Variants in MAP2K3 observed in about 807,000 individuals in gnomAD.
MAP2K3 encodes the protein mitogen-activated protein kinase kinase 3.
In MAP2K3, 30 loss-of-function variants were observed where a neutral mutation model predicts 46.4. That is an observed-to-expected ratio of 0.65 (90% CI 0.48 to 0.88). The LOEUF is 0.88. MAP2K3 is among the 40% of genes least tolerant of loss of function. The pLI, the probability that MAP2K3 is intolerant of heterozygous loss-of-function variation, is 0.00. For synonymous variants in MAP2K3, 189 were observed against 176.3 expected (o/e 1.07, Z -0.57); for missense variants, 380 against 464.5 (o/e 0.82, Z 1.67).
intron 2 of MAP2K3, 151 bp downstream of exon 2, chr17:21,298,630 G>C: frequency 1.5e-6 from 2 of 1,330,314 alleles, no homozygotes; most frequent in Admixed American, 1.7e-5. Context: ...GGTGACGGCT[G>C]CTGGGGGTTC....
chr17:21,286,286 T>G (rs1466314), intron 1 of MAP2K3, among the ~76,000 whole-genome samples: 110,448 of 152,196 alleles, frequency 0.73, 40,745 homozygotes, highest in African/African-American at 0.85. Context: ...AAGTGCAGCC[T>G]CAGAGTGAGC....
At chr17:21,292,010 A>T (rs1428791547) in intron 1 of MAP2K3, among the ~76,000 whole-genome samples, 1 of 152,310 alleles carries the variant, frequency 6.6e-6, no homozygotes, top group East Asian at 1.9e-4. Context: ...TGGTTTCTCC[A>T]CTGAGGTGCG....
chr17:21,295,363 G>A (rs1209252679), intron 1 of MAP2K3, among the ~76,000 whole-genome samples: 1 of 152,310 alleles, frequency 6.6e-6, no homozygotes, highest in Non-Finnish European at 1.5e-5. Flanking sequence ...CCTGCCTGGG[G>A]GCTGCTATGA....
rs35755743 is a variant in MAP2K3, at chr17:21,314,184, C to A, written c.998C>A (p.Thr333Lys). 1.2e-6 allele frequency: 2 copies of A among 1,613,952 alleles called. No individual in the cohort carries two copies. The highest frequency in any genetic ancestry group is 2.7e-5 in the African/African-American group (2 of 74,910). The change falls in exon 12 of 12, where the codon ACG becomes AAG. Residue 333 changes from threonine (T) to lysine (K), a missense_variant. By Grantham distance (78) the Thr-to-Lys change is moderately conservative (BLOSUM62 -1). This residue lies in a region of MAP2K3 where 63 missense variants were observed against 81.6 expected (regional missense o/e 0.77). Transcript: ENST00000342679. The part of the protein sequence containing the change: ...PFFTLHKTKK[T>K]DIAAFVKEIL... ...TTCACCTTGCACAAAACCAAGAAGA[C>A]GGACATTGCTGCCTTCGTGAAGGAG...
intron 1 of MAP2K3, chr17:21,291,821 A>G (rs1328026484): frequency 2.8e-6 from 1 of 354,632 alleles, no homozygotes; most frequent in East Asian, 7.4e-5. Context: ...GACCTGCTCA[A>G]GGTCACGAAG....
In MAP2K3 at chr17:21,302,256, GT is replaced by G; in HGVS notation, c.514del (p.Ser172LeufsTer15). ...AGGACATCCTTGGGGAGATTGCTGT[GT>G]CTGTGAGTGGCCTGGGTGGGCTGGC... ...PEDILGEIAV[S>X]IVRALEHLHS... On this transcript the variant is annotated frameshift_variant and splice_region_variant, in exon 6 of 12. Coordinates refer to ENST00000342679, the MANE Select transcript of MAP2K3 (RefSeq NM_145109.3). LOFTEE classifies it high-confidence loss of function. The G allele has an allele frequency of 6.2e-7, 1 of 1,607,038 alleles. No homozygotes were observed. The highest frequency in any genetic ancestry group is 8.5e-7 in the Non-Finnish European group (1 of 1,175,008).
At chr17:21,285,204 C>T in intron 1 of MAP2K3, 1 of 981,868 alleles carries the variant, frequency 1.0e-6, no homozygotes, top group Non-Finnish European at 1.2e-6. Flanking sequence ...CAGGCTGGAC[C>T]CAGACTAGGA....
At chr17:21,304,162 C>T in intron 7 of MAP2K3, among the ~76,000 whole-genome samples, 1 of 152,312 alleles carries the variant, frequency 6.6e-6, no homozygotes, top group Non-Finnish European at 1.5e-5. Flanking sequence ...TGGAGTCCTG[C>T]CTTCCTTGCA....
intron 6 of MAP2K3, 36 bp downstream of exon 6, chr17:21,302,295 G>A (rs1309824231): frequency 1.3e-6 from 2 of 1,537,082 alleles, no homozygotes; most frequent in South Asian, 2.2e-5. Context: ...GGGGTCCTAG[G>A]TGCATAGGCA....
chr17:21,312,061 G>A, intron 9 of MAP2K3, 81 bp from the exon 10 acceptor site: 2 of 1,353,936 alleles, frequency 1.5e-6, no homozygotes, highest in East Asian at 2.8e-5. Flanking sequence ...AGGATGGGTG[G>A]GAGCCCCCAA....
Position 21,314,563 on chromosome 17 carries a change from C to G in MAP2K3, c.*333C>G, listed in dbSNP as rs1977320021. ...CCCCTGCACAGCAGGCTGCCAGTGCCTGGGTGGATGGGCCACCGCCTTGCC... is the reference window on the plus strand; with the variant it reads ...CCCCTGCACAGCAGGCTGCCAGTGCGTGGGTGGATGGGCCACCGCCTTGCC... On this transcript the variant is annotated 3_prime_UTR_variant, in exon 12 of 12. Coordinates refer to ENST00000342679, the MANE Select transcript of MAP2K3 (RefSeq NM_145109.3). 1 of 326,152 alleles carries G rather than the reference C, an allele frequency of 3.1e-6. No individual in the cohort carries two copies. Among genetic ancestry groups the G allele is most frequent in the African/African-American group, 2.1e-5 (1 of 46,960 alleles). 20.2% of individuals were successfully genotyped at this position (326,152 alleles called of 1,614,324 possible).
intron 1 of MAP2K3, among the ~76,000 whole-genome samples, chr17:21,292,510 C>A (rs368346266): frequency 6.6e-6 from 1 of 152,288 alleles, no homozygotes; most frequent in African/African-American, 2.4e-5. Flanking sequence ...GCACGCACCA[C>A]CACGCCCACT....
chr17:21,312,330 G>C, intron 10 of MAP2K3, 49 bp downstream of exon 10: 1 of 1,534,524 alleles, frequency 6.5e-7, no homozygotes, highest in Non-Finnish European at 8.7e-7. Flanking sequence ...TCCCTGGCCA[G>C]ATCCCTGCAC....
chr17:21,292,532 T>G (rs926861519), intron 1 of MAP2K3, among the ~76,000 whole-genome samples: 10 of 152,418 alleles, frequency 6.6e-5, no homozygotes, highest in South Asian at 2.1e-4. Flanking sequence ...CATTTTTGTT[T>G]TGTTTTATTT....
intron 5 of MAP2K3, among the ~76,000 whole-genome samples, chr17:21,301,604 G>A (rs73311563): frequency 5.3e-5 from 8 of 152,300 alleles, no homozygotes; most frequent in African/African-American, 1.7e-4. Context: ...GTCCTCACTC[G>A]TCACTCATGA....
chr17:21,312,351 C>T, intron 10 of MAP2K3, 70 bp downstream of exon 10: 1 of 1,460,640 alleles, frequency 6.8e-7, no homozygotes, highest in Non-Finnish European at 9.0e-7. Flanking sequence ...CTTCCTGGGC[C>T]CTGTTCCTTT....
At chr17:21,301,186 T>G (rs1289098718) in intron 5 of MAP2K3, among the ~76,000 whole-genome samples, 193 bp downstream of exon 5, 1 of 152,300 alleles carries the variant, frequency 6.6e-6, no homozygotes, top group African/African-American at 2.4e-5. Context: ...ATGAGGCCGG[T>G]GGTTGTGGGT....
chr17:21,298,730 A>G (rs1976411836), intron 2 of MAP2K3, 148 bp from the exon 3 acceptor site: 5 of 1,233,436 alleles, frequency 4.1e-6, no homozygotes, highest in Admixed American at 1.9e-5. Flanking sequence ...GATGCTCAGC[A>G]GCCAGTGAGA....
chr17:21,307,479 G>C (rs1457215234), intron 9 of MAP2K3, among the ~76,000 whole-genome samples: 1 of 151,870 alleles, frequency 6.6e-6, no homozygotes, highest in Non-Finnish European at 1.5e-5. Flanking sequence ...GTAGACCAGG[G>C]GGTGCAAGTG....
Sources: allele counts gnomAD v4.1 joint callset (sites outside exome capture counted in the v4.1 genomes callset), GRCh38; gene constraint gnomAD v4.1.1; regional missense constraint gnomAD v4.1.1; transcripts MANE v1.5; gene names NCBI Gene and HGNC (gene_info 2026-07-23, HGNC 2026-07-21).